ZNF611: variants seen among roughly 807,000 people sequenced by gnomAD.
ZNF611 encodes the protein zinc finger protein 611.
In ZNF611, 6 loss-of-function variants were observed where a neutral mutation model predicts 8.9. That is an observed-to-expected ratio of 0.68 (90% CI 0.37 to 1.34). The LOEUF (loss-of-function observed/expected upper bound fraction) is 1.34, where lower values mean the gene tolerates loss of function less well. Among genes scored for constraint, ZNF611 ranks in the 40% most tolerant of loss-of-function variants. The pLI, the probability that ZNF611 is intolerant of heterozygous loss-of-function variation, is 0.02. For missense variants in ZNF611, 874 were observed against 841.3 expected, an observed-to-expected ratio of 1.04 and a Z score of -0.48; for synonymous variants, 262 against 279.7, an observed-to-expected ratio of 0.94 and a Z score of 0.63.
At position 52,706,875 on chromosome 19, in the gene ZNF611, T is replaced by C. The variant is rs2062249649; in HGVS notation, c.191-11A>G. On this transcript the variant is annotated splice_polypyrimidine_tract_variant and intron_variant, in intron 5 of 5. Coordinates refer to ENST00000652185, the MANE Select transcript of ZNF611 (RefSeq NM_001161499.2). Reference sequence around the variant, plus strand: ...ATTTGGAAGAGATATCTACAAAATATAAACACCAATACATTTCCAATTAAG... The same window carrying C: ...ATTTGGAAGAGATATCTACAAAATACAAACACCAATACATTTCCAATTAAG... The C allele has an allele frequency of 2.5e-6, 4 of 1,604,858 alleles. No individual in the cohort carries two copies. Among genetic ancestry groups the C allele is most frequent in the South Asian group, 2.2e-5 (2 of 89,286 alleles).
chr19:52,734,116 T>G (rs2062441859), intron 1 of ZNF611, among the ~76,000 whole-genome samples: 1 of 93,504 alleles, frequency 1.1e-5, no homozygotes, highest in Non-Finnish European at 2.2e-5. Context: ...TTGTGATCCT[T>G]CATCTCTCTG....
intron 3 of ZNF611, among the ~76,000 whole-genome samples, chr19:52,717,056 A>G (rs186167978): frequency 8.6e-4 from 131 of 152,098 alleles, no homozygotes; most frequent in African/African-American, 3.0e-3. Flanking sequence ...GAAACTCAAA[A>G]GACTGCAACC....
intron 5 of ZNF611, chr19:52,707,242 AAAT>A (rs1409145775): frequency 3.7e-5 from 6 of 162,538 alleles, no homozygotes; most frequent in Non-Finnish European, 7.9e-5. Context: ...TACTCTATAC[AAAT>A]AAATGCTAAA....
rs1430561904 is a variant in ZNF611, at chr19:52,705,726, G to A, written c.1329C>T (p.Cys443=). The part of the protein sequence containing the change: ...KTFSHKSSLV[C]HHRLHGGEKS... ...TCTCTCCACCATGAAGTCTATGATG[G>A]CATACAAGGGATGACTTGTGACTGA... is the stretch of plus-strand genomic sequence containing the variant. The change falls in exon 6 of 6, where the codon TGC becomes TGT. Residue 443 remains cysteine, a synonymous_variant. Coordinates refer to ENST00000652185, the MANE Select transcript of ZNF611 (RefSeq NM_001161499.2). The A allele has an allele frequency of 6.2e-7, 1 of 1,613,880 alleles. No homozygotes were observed. The highest frequency in any genetic ancestry group is 8.5e-7 in the Non-Finnish European group (1 of 1,179,920).
Position 52,705,916 on chromosome 19 carries a change from C to A in ZNF611, c.1139G>T (p.Ser380Ile). 1.9e-6 allele frequency: 3 copies of A among 1,614,098 alleles called. No individual in the cohort carries two copies. The highest frequency in any genetic ancestry group is 1.1e-5 in the South Asian group (1 of 91,084). The part of the protein sequence containing the change: ...YKCEECDKVF[S>I]RKSTIETHKR... ...ATGTGTCTCAATGGTTGATTTCCGA[C>A]TGAAAACTTTGTCACATTCTTCACA... Residue 380 changes from serine (S) to isoleucine (I), a missense_variant, in exon 6 of 6, where the codon AGT becomes ATT. By Grantham distance (142) the Ser-to-Ile change is moderately radical. Transcript: ENST00000652185.
Position 52,706,844 on chromosome 19 carries a change from T to C in ZNF611, c.211A>G (p.Met71Val). 1.2e-6 allele frequency: 2 copies of C among 1,609,742 alleles called. No individual in the cohort carries two copies. Among genetic ancestry groups the C allele is most frequent in the African/African-American group, 1.3e-5 (1 of 74,774 alleles). ...TGCCCTGTTGACAAGACCTCCTTCATCATGCATTTGGAAGAGATATCTACA... is the reference window on the plus strand; with the variant it reads ...TGCCCTGTTGACAAGACCTCCTTCACCATGCATTTGGAAGAGATATCTACA... ...EAVDISSKCM[M>V]KEVLSTGQGN... Residue 71 changes from methionine (M) to valine (V), a missense_variant, in exon 6 of 6, where the codon ATG (methionine) becomes GTG (valine). Met to Val is a conservative substitution (Grantham distance 21). Transcript: ENST00000652185.
Position 52,705,464 on chromosome 19 carries a change from C to CT in ZNF611, c.1590dup (p.Gly531ArgfsTer11). 1.2e-6 allele frequency: 2 copies of CT among 1,612,466 alleles called. No individual in the cohort carries two copies. Among genetic ancestry groups the CT allele is most frequent in the Non-Finnish European group, 1.7e-6 (2 of 1,179,514 alleles). ...TTGTATGGTTTCTCTCCAGTATGACCTATCTTATGTGTCTCAAGGCTTGAT... is the reference window on the plus strand; with the variant it reads ...TTGTATGGTTTCTCTCCAGTATGACCTTATCTTATGTGTCTCAAGGCTTGAT... On this transcript the variant is annotated frameshift_variant, in exon 6 of 6. Transcript: ENST00000652185. LOFTEE classifies it low-confidence loss of function (END_TRUNC).
intron 1 of ZNF611, among the ~76,000 whole-genome samples, chr19:52,734,026 C>T (rs2062441265): frequency 6.6e-6 from 1 of 152,062 alleles, no homozygotes; most frequent in South Asian, 2.1e-4. Flanking sequence ...CACCACTCTG[C>T]TCTGTCTGCC....
At chr19:52,725,549 C>A (rs969333789) in intron 3 of ZNF611, among the ~76,000 whole-genome samples, 1 of 152,138 alleles carries the variant, frequency 6.6e-6, no homozygotes, top group African/African-American at 2.4e-5. Context: ...AGCCTCCAAG[C>A]GACTTCAAAC....
chr19:52,730,732 G>A (rs1488686237), intron 1 of ZNF611, among the ~76,000 whole-genome samples: 2 of 151,072 alleles, frequency 1.3e-5, no homozygotes, highest in Non-Finnish European at 2.9e-5. Flanking sequence ...TTACAGGCAT[G>A]CACCATCACA....
intron 3 of ZNF611, among the ~76,000 whole-genome samples, chr19:52,728,067 C>T (rs557572818): frequency 7.2e-4 from 110 of 152,080 alleles, no homozygotes; most frequent in African/African-American, 2.5e-3. Context: ...CCACCACACC[C>T]GGCTAATTTT....
rs1265296447 is a variant in ZNF611, at chr19:52,705,311, C to T, written c.1744G>A (p.Val582Ile). ...SKTFSHRSYLVCHHRVHSGEK... is the reference protein window; with the variant it reads ...SKTFSHRSYLICHHRVHSGEK... ...CCACTATGAACTCTATGATGGCATA[C>T]AAGGTATGACCTGTGACTGAAGGTC... The change falls in exon 6 of 6, where the codon GTA (valine) becomes ATA (isoleucine). Residue 582 changes from valine to isoleucine, a missense_variant. By Grantham distance (29) the Val-to-Ile change is conservative (BLOSUM62 3). Coordinates refer to ENST00000652185, the MANE Select transcript of ZNF611 (RefSeq NM_001161499.2). The T allele has an allele frequency of 2.5e-6, 4 of 1,613,702 alleles. No individual in the cohort carries two copies. In the African/African-American group the frequency reaches 4.0e-5, roughly 16 times the overall value.
intron 3 of ZNF611, among the ~76,000 whole-genome samples, chr19:52,726,146 T>C (rs754431978): frequency 5.9e-5 from 9 of 152,182 alleles, no homozygotes; most frequent in Admixed American, 1.3e-4. Flanking sequence ...GAGTCCACCC[T>C]GTGCTCAGCT....
chr19:52,727,970 T>C (rs997358727), intron 3 of ZNF611, among the ~76,000 whole-genome samples: 1 of 145,694 alleles, frequency 6.9e-6, no homozygotes, highest in Admixed American at 7.3e-5. Flanking sequence ...AGTGCAGTGG[T>C]GCAATCTCAG....
At position 52,715,898 on chromosome 19, in the gene ZNF611, T is replaced by C. The variant is rs764048820; in HGVS notation, c.-4A>G. 2 of 1,613,114 alleles carry C rather than the reference T, an allele frequency of 1.2e-6. No individual in the cohort carries two copies. Among genetic ancestry groups the C allele is most frequent in the Non-Finnish European group, 1.7e-6 (2 of 1,179,726 alleles). ...GAGCTGCTTCCTCACGTAACATGAG[T>C]CTTTAGGAATCAATCCTGTATGTGA... On this transcript the variant is annotated 5_prime_UTR_variant, in exon 4 of 6. Transcript: ENST00000652185.
intron 3 of ZNF611, among the ~76,000 whole-genome samples, chr19:52,719,002 C>T (rs1333590572): frequency 6.6e-6 from 1 of 151,948 alleles, no homozygotes; most frequent in African/African-American, 2.4e-5. Context: ...GAACCTCTGT[C>T]TCTGCTAAAA....
intron 1 of ZNF611, among the ~76,000 whole-genome samples, chr19:52,732,654 C>T (rs946983242): frequency 7.3e-5 from 11 of 151,232 alleles, no homozygotes; most frequent in Non-Finnish European, 1.3e-4. Flanking sequence ...CTAAGTAGGC[C>T]AGACACGGTG....
chr19:52,716,034 C>A, intron 3 of ZNF611, 121 bp from the exon 4 acceptor site: 1 of 1,115,152 alleles, frequency 9.0e-7, no homozygotes, highest in African/African-American at 1.6e-5. Flanking sequence ...CCCACTGCAC[C>A]AGAGATCATG....
chr19:52,729,492 C>CAAA (rs397859789), intron 2 of ZNF611, among the ~76,000 whole-genome samples: 16 of 42,346 alleles, frequency 3.8e-4, no homozygotes, highest in South Asian at 1.4e-3. Flanking sequence ...GACTCCATCT[C>CAAA]AAAAAAAAAA....
Sources: gnomAD v4.1 joint callset for allele counts (sites outside exome capture counted in the v4.1 genomes callset) on GRCh38, gnomAD v4.1.1 for gene constraint, MANE v1.5 for transcripts, NCBI Gene and HGNC (gene_info 2026-07-23, HGNC 2026-07-21) for gene names.